BCL2L14: variants seen among roughly 807,000 people sequenced by gnomAD.
The protein encoded by BCL2L14 is apoptosis facilitator Bcl-2-like protein 14.
BCL2L14 carries 27 observed loss-of-function variants against 35.3 expected under a neutral mutation model. The observed-to-expected ratio is 0.76, with a 90% confidence interval of 0.56 to 1.05. The LOEUF is 1.05. BCL2L14 is among the 50% of genes least tolerant of loss of function. The pLI is 0.00. For missense variants in BCL2L14, 377 were observed against 382.6 expected, an observed-to-expected ratio of 0.99 and a Z score of 0.12; for synonymous variants, 139 against 145.9, an observed-to-expected ratio of 0.95 and a Z score of 0.34.
At chr12:12,051,179 G>A (rs1448929531) in intron 1 of BCL2L14, among the ~76,000 whole-genome samples, 1 of 152,132 alleles carries the variant, frequency 6.6e-6, no homozygotes, top group African/African-American at 2.4e-5. Context: ...TAGAGATGGT[G>A]GGAAAAGGAG....
At position 12,079,817 on chromosome 12, in the gene BCL2L14, T is replaced by C. The variant is rs1948871880; in HGVS notation, c.433+79T>C. 4 of 1,420,560 alleles carry C rather than the reference T, an allele frequency of 2.8e-6. No individual in the cohort carries two copies. The East Asian group carries it at 9.1e-5, about 32-fold the overall frequency. 88.0% of individuals were successfully genotyped at this position (1,420,560 alleles called of 1,614,324 possible). ...GTCCAGAGTGGTACATCTCTTCTCATGTTGTAAAGTGGCTTTAGAGAAGGC... is the reference window on the plus strand; with the variant it reads ...GTCCAGAGTGGTACATCTCTTCTCACGTTGTAAAGTGGCTTTAGAGAAGGC... On this transcript the variant is annotated intron_variant, in intron 2 of 5. Transcript: ENST00000308721.
At chr12:12,089,422 A>G (rs1223575918) in intron 3 of BCL2L14, among the ~76,000 whole-genome samples, 1 of 147,398 alleles carries the variant, frequency 6.8e-6, no homozygotes, top group Non-Finnish European at 1.5e-5. Flanking sequence ...AAGCCTGGGC[A>G]CGGTGGCTTA....
intron 3 of BCL2L14, among the ~76,000 whole-genome samples, chr12:12,087,631 G>T (rs1055259355): frequency 6.6e-6 from 1 of 152,358 alleles, no homozygotes; most frequent in African/African-American, 2.4e-5. Flanking sequence ...CTCCTACAGA[G>T]GGAGAGGAGG....
intron 2 of BCL2L14, among the ~76,000 whole-genome samples, chr12:12,083,512 G>A (rs1948973603): frequency 6.6e-6 from 1 of 152,192 alleles, no homozygotes; most frequent in Admixed American, 6.5e-5. Flanking sequence ...TATAGTTAAG[G>A]TGAGGTTCAG....
intron 1 of BCL2L14, among the ~76,000 whole-genome samples, chr12:12,051,026 AG>A (rs1171129684): frequency 1.4e-5 from 2 of 147,242 alleles, no homozygotes; most frequent in African/African-American, 2.5e-5. Context: ...GAAAGGTTTT[AG>A]AATTTAACTT....
chr12:12,069,515 C>T (rs181323338), upstream of BCL2L14, among the ~76,000 whole-genome samples: 10 of 150,168 alleles, frequency 6.7e-5, no homozygotes, highest in Admixed American at 3.3e-4. Flanking sequence ...CTGGCTAACA[C>T]GGTGAAACCC....
At chr12:12,064,845 T>A (rs1487568940) in intron 2 of BCL2L14, among the ~76,000 whole-genome samples, 1 of 152,232 alleles carries the variant, frequency 6.6e-6, no homozygotes, top group Non-Finnish European at 1.5e-5. Context: ...TAGTCAGATC[T>A]CCTATCACGA....
chr12:12,053,508 C>A (rs188304242), intron 2 of BCL2L14, among the ~76,000 whole-genome samples: 1 of 152,130 alleles, frequency 6.6e-6, no homozygotes, highest in Middle Eastern at 3.4e-3. Context: ...GCAACCTCCA[C>A]CTCCCGGGTT....
intron 2 of BCL2L14, among the ~76,000 whole-genome samples, chr12:12,060,848 G>A (rs1429160843): frequency 4.7e-5 from 6 of 126,962 alleles, no homozygotes; most frequent in Admixed American, 1.7e-4. Context: ...TCAGCTTAGC[G>A]GCTGAAGACT....
intron 1 of BCL2L14, chr12:12,051,713 C>T (rs1316558838): frequency 6.6e-6 from 1 of 152,200 alleles, no homozygotes; most frequent in Non-Finnish European, 1.5e-5. Context: ...TCAATGAGCA[C>T]TTCATGATAG....
chr12:12,096,604 T>C (rs181290430), intron 5 of BCL2L14, among the ~76,000 whole-genome samples: 1 of 152,284 alleles, frequency 6.6e-6, no homozygotes, highest in East Asian at 1.9e-4. Context: ...CCAAAGAATA[T>C]ATATAAATGG....
chr12:12,051,035 C>T (rs1948351577), intron 1 of BCL2L14, among the ~76,000 whole-genome samples: 1 of 135,946 alleles, frequency 7.4e-6, no homozygotes, highest in Non-Finnish European at 1.6e-5. Context: ...TAGAATTTAA[C>T]TTAAGACACC....
chr12:12,089,315 G>A (rs1204297337), intron 3 of BCL2L14, among the ~76,000 whole-genome samples: 1 of 151,510 alleles, frequency 6.6e-6, no homozygotes, highest in Non-Finnish European at 1.5e-5. Context: ...GTTGCAGTGA[G>A]CCAAGATTAC....
chr12:12,079,208 T>C, intron 1 of BCL2L14, 91 bp from the exon 2 acceptor site: 1 of 1,073,338 alleles, frequency 9.3e-7, no homozygotes, highest in South Asian at 1.5e-5. Flanking sequence ...GTTCAATAAA[T>C]GTTTCCTGAG....
chr12:12,099,016 C>A lies in BCL2L14; in HGVS notation c.*28C>A. 2 of 1,552,336 alleles carry A rather than the reference C, an allele frequency of 1.3e-6. No homozygotes were observed. The highest frequency in any genetic ancestry group is 1.1e-5 in the South Asian group (1 of 89,730). On this transcript the variant is annotated 3_prime_UTR_variant, in exon 6 of 6. Transcript: ENST00000308721. ...TATCAGATTTGTCATCAGGAATACT[C>A]TTTGTCTACTGTGGTCCTGTGCACG...
Position 12,079,602 on chromosome 12 carries a change from AG to A in BCL2L14, c.298del (p.Val100TrpfsTer58). On this transcript the variant is annotated frameshift_variant, in exon 2 of 6. Transcript: ENST00000308721. LOFTEE classifies it high-confidence loss of function. Reference protein sequence around the residue: ...KSSWKAFFGVVEKEDSQSTPA... With the variant: ...KSSWKAFFGVXEKEDSQSTPA... The stretch of plus-strand genomic sequence containing the variant: ...CTTCTTGGAAAGCATTCTTTGGAGT[AG>A]TGGAGAAGGAAGATTCGCAGAGCAC... 6.2e-7 allele frequency: 1 copy of A among 1,614,208 alleles called. No homozygotes were observed. The highest frequency in any genetic ancestry group is 8.5e-7 in the Non-Finnish European group (1 of 1,180,048).
chr12:12,051,678 A>C (rs1489086168), intron 1 of BCL2L14: 1 of 152,200 alleles, frequency 6.6e-6, no homozygotes, highest in East Asian at 1.9e-4. Flanking sequence ...TAAATAGTCC[A>C]CATTATACAA....
intron 2 of BCL2L14, among the ~76,000 whole-genome samples, chr12:12,080,334 A>G (rs1948889516): frequency 7.4e-6 from 1 of 135,878 alleles, no homozygotes; most frequent in African/African-American, 3.1e-5. Context: ...AATATAAAAG[A>G]AGGAGGCTAG....
intron 1 of BCL2L14, 31 bp downstream of exon 1, chr12:12,071,168 C>T (rs1948664242): frequency 6.6e-6 from 1 of 152,238 alleles, no homozygotes; most frequent in Admixed American, 6.5e-5. Flanking sequence ...TCTTCATCCT[C>T]AGCCTTTGCA....
Sources: gnomAD v4.1 joint callset for allele counts (sites outside exome capture counted in the v4.1 genomes callset) on GRCh38, gnomAD v4.1.1 for gene constraint, MANE v1.5 for transcripts, NCBI Gene and HGNC (gene_info 2026-07-23, HGNC 2026-07-21) for gene names.